PTPN13: variants seen among roughly 807,000 people sequenced by gnomAD.
PTPN13 encodes the protein protein tyrosine phosphatase non-receptor type 13, also known as tyrosine-protein phosphatase non-receptor type 13.
Under a neutral mutation model 284.0 loss-of-function variants are expected in PTPN13, and 191 were observed. The ratio of observed to expected loss-of-function variants is 0.67; its 90% CI spans 0.60 to 0.76. PTPN13 has a LOEUF of 0.76. Ranked by LOEUF, PTPN13 falls within the 30% of genes least tolerant of loss-of-function variation. The pLI is 0.00. For missense variants in PTPN13, 2,797 were observed against 2,939.9 expected (o/e 0.95, Z 1.12); for synonymous variants, 986 against 1,022.3 (o/e 0.96, Z 0.68).
chr4:86,596,884 T>A (rs944244544), intron 1 of PTPN13, among the ~76,000 whole-genome samples: 12 of 152,234 alleles, frequency 7.9e-5, no homozygotes, highest in African/African-American at 2.9e-4. Context: ...AATTAAATTA[T>A]AATTAACACC....
chr4:86,683,150 CGT>C (rs59436322), intron 3 of PTPN13, among the ~76,000 whole-genome samples: 11,139 of 147,212 alleles, frequency 0.076, 538 homozygotes, highest in African/African-American at 0.13. Context: ...AGGGTGTGTG[CGT>C]GTGTGTGTGT....
chr4:86,745,233 T>C (rs1736605782), intron 17 of PTPN13, 105 bp downstream of exon 17: 1 of 1,063,826 alleles, frequency 9.4e-7, no homozygotes, highest in African/African-American at 1.6e-5. Flanking sequence ...TTACAATGTA[T>C]ATACATGTTA....
At chr4:86,725,779 G>A (rs28769973) in intron 10 of PTPN13, among the ~76,000 whole-genome samples, 13 of 149,192 alleles carry the variant, frequency 8.7e-5, no homozygotes, top group South Asian at 4.2e-4. Flanking sequence ...GCCTGTTCAC[G>A]CTGATGGTAG....
intron 40 of PTPN13, among the ~76,000 whole-genome samples, chr4:86,795,410 G>C (rs1743220974): frequency 6.6e-6 from 1 of 152,184 alleles, no homozygotes; most frequent in South Asian, 2.1e-4. Context: ...AGAGGATGTG[G>C]AGAAATAGGA....
chr4:86,713,908 C>T (rs969087503), intron 7 of PTPN13, among the ~76,000 whole-genome samples: 18 of 152,036 alleles, frequency 1.2e-4, no homozygotes, highest in African/African-American at 4.1e-4. Flanking sequence ...CTATTAAACA[C>T]CTTCCAACAT....
At chr4:86,669,032 C>T (rs1433818641) in intron 2 of PTPN13, among the ~76,000 whole-genome samples, 1 of 151,566 alleles carries the variant, frequency 6.6e-6, no homozygotes, top group Non-Finnish European at 1.5e-5. Flanking sequence ...CTTCCTGACC[C>T]ACATGCCTTT....
chr4:86,744,905 A>C (rs567298517), intron 16 of PTPN13, 61 bp from the exon 17 acceptor site: 2 of 1,291,036 alleles, frequency 1.5e-6, no homozygotes, highest in East Asian at 5.1e-5. Flanking sequence ...AGTGCCTAAC[A>C]AGAAATATAA....
intron 35 of PTPN13, among the ~76,000 whole-genome samples, chr4:86,779,236 A>G (rs1297718753): frequency 6.6e-6 from 1 of 152,086 alleles, no homozygotes. Context: ...CTCTACGGTG[A>G]AACCCCGTCT....
rs764206131 is a variant in PTPN13 at position 86,774,440 on chromosome 4, G to A, written c.5417G>A (p.Gly1806Asp). The change falls in exon 33 of 48, where the codon GGC becomes GAC. Residue 1806 changes from glycine (G) to aspartate (D), a missense_variant. Physicochemically the swap from Gly to Asp is moderately conservative, Grantham distance 94 (BLOSUM62 -1). Coordinates refer to ENST00000411767, the MANE Select transcript of PTPN13 (RefSeq NM_080683.3). The part of the protein sequence containing the change: ...KGSLGFTVTK[G>D]NQRIGCYVHD... The stretch of plus-strand genomic sequence containing the variant: ...AGCCTGGGTTTTACAGTAACCAAAG[G>A]CAATCAGAGAATTGGTTGTTATGTT... 3 of 1,605,282 alleles carry A rather than the reference G, an allele frequency of 1.9e-6. No individual in the cohort carries two copies. Among genetic ancestry groups the A allele is most frequent in the African/African-American group, 2.7e-5 (2 of 74,802 alleles).
chr4:86,757,250 T>G (rs1738087079), intron 20 of PTPN13, among the ~76,000 whole-genome samples: 1 of 152,136 alleles, frequency 6.6e-6, no homozygotes, highest in African/African-American at 2.4e-5. Context: ...TTTATTCAAT[T>G]TATTTAACTA....
chr4:86,759,298 G>C (rs946651568), intron 23 of PTPN13, among the ~76,000 whole-genome samples: 2 of 152,064 alleles, frequency 1.3e-5, no homozygotes, highest in Admixed American at 1.3e-4. Flanking sequence ...GTCCTGTCCT[G>C]AACCAGATGA....
chr4:86,626,685 G>T (rs2148684127), intron 1 of PTPN13, among the ~76,000 whole-genome samples: 1 of 152,148 alleles, frequency 6.6e-6, no homozygotes, highest in Non-Finnish European at 1.5e-5. Context: ...CAGCTACTAT[G>T]AAAAACAGTA....
intron 35 of PTPN13, among the ~76,000 whole-genome samples, chr4:86,777,963 G>C (rs1247649530): frequency 6.6e-6 from 1 of 152,108 alleles, no homozygotes; most frequent in Non-Finnish European, 1.5e-5. Context: ...TGAATATTTT[G>C]CCTCAAAATT....
In PTPN13 at chr4:86,758,599, T is replaced by G; in HGVS notation, c.3314-79T>G. On this transcript the variant is annotated intron_variant, in intron 21 of 47. Coordinates refer to ENST00000411767, the MANE Select transcript of PTPN13 (RefSeq NM_080683.3). Reference sequence around the variant, plus strand: ...CATTTGATATCAATAGTCCCCACATTTCTGTGTTTCAGGCAGGCTAATCAT... The same window carrying G: ...CATTTGATATCAATAGTCCCCACATGTCTGTGTTTCAGGCAGGCTAATCAT... The G allele has an allele frequency of 2.4e-6, 3 of 1,231,192 alleles. No homozygotes were observed. The South Asian group carries it at 3.8e-5, about 16-fold the overall frequency. 76.3% of individuals were successfully genotyped at this position (1,231,192 alleles called of 1,614,324 possible). A position where few individuals can be genotyped will look rare whatever the true frequency, so the allele number is the denominator to read the frequency against.
intron 40 of PTPN13, among the ~76,000 whole-genome samples, chr4:86,786,441 T>A (rs1372900613): frequency 2.6e-5 from 4 of 152,164 alleles, no homozygotes; most frequent in Non-Finnish European, 5.9e-5. Context: ...TCATGCATGC[T>A]TATACTTACA....
chr4:86,677,638 T>C (rs1302637340), intron 3 of PTPN13, among the ~76,000 whole-genome samples: 1 of 151,698 alleles, frequency 6.6e-6, no homozygotes, highest in Non-Finnish European at 1.5e-5. Context: ...GTGTGGGTTT[T>C]TTTTTTTTTT....
chr4:86,776,529 G>A (rs1333845408), intron 35 of PTPN13, among the ~76,000 whole-genome samples: 8 of 152,106 alleles, frequency 5.3e-5, no homozygotes, highest in Admixed American at 5.2e-4. Context: ...TCTCTAAGTT[G>A]GAAGCAAGGG....
At chr4:86,721,704 TC>T (rs1733669282) in intron 9 of PTPN13, among the ~76,000 whole-genome samples, 1 of 32,514 alleles carries the variant, frequency 3.1e-5, no homozygotes, top group Non-Finnish European at 6.1e-5. Context: ...CCCCGCTCCC[TC>T]CCCCTCTCCC....
At chr4:86,670,720 G>C (rs1727634633) in intron 2 of PTPN13, among the ~76,000 whole-genome samples, 1 of 152,198 alleles carries the variant, frequency 6.6e-6, no homozygotes, top group African/African-American at 2.4e-5. Context: ...TCTGTGACAT[G>C]AAATCTCATG....
Sources: gnomAD v4.1 joint callset for allele counts (sites outside exome capture counted in the v4.1 genomes callset) on GRCh38, gnomAD v4.1.1 for gene constraint, MANE v1.5 for transcripts, NCBI Gene and HGNC (gene_info 2026-07-23, HGNC 2026-07-21) for gene names.